LARP4B: variants seen among roughly 807,000 people sequenced by gnomAD.
The protein encoded by LARP4B is La ribonucleoprotein 4B.
A neutral mutation model predicts 89.8 loss-of-function variants in LARP4B; 12 were observed. The ratio of observed to expected loss-of-function variants is 0.13; its 90% CI spans 0.09 to 0.22. The LOEUF (loss-of-function observed/expected upper bound fraction) is 0.22. Ranked by LOEUF, LARP4B falls within the 10% of genes least tolerant of loss-of-function variation. The pLI, the probability that LARP4B is intolerant of heterozygous loss-of-function variation, is 1.00. For missense variants in LARP4B, 757 were observed against 947.7 expected (o/e 0.80, Z 2.64); for synonymous variants, 367 against 363.3 (o/e 1.01, Z -0.12).
rs1412046579 is a variant in LARP4B at position 813,661 on chromosome 10, A to G, written c.1930-448T>C. 1.3e-5 allele frequency among the ~76,000 whole-genome samples: 2 copies of G among 152,260 alleles called. 1 individual carries two copies. The highest frequency in any genetic ancestry group is 4.8e-5 in the African/African-American group (2 of 41,474). On this transcript the variant is annotated intron_variant, in intron 17 of 17. Transcript: ENST00000316157. ...CAGTCTTTAAATAAAAATGTTTTGC[A>G]CATTTCAAACTACAAAGGACTGGAA...
At chr10:964,351 C>T in the LARP4B span, among the ~76,000 whole-genome samples, 1 of 152,212 alleles carries the variant, frequency 6.6e-6, no homozygotes, top group Admixed American at 6.5e-5. Context: ...AGGCGTGGGT[C>T]ACCATGCCCA....
intron 3 of LARP4B, among the ~76,000 whole-genome samples, chr10:865,724 T>C (rs1397366582): frequency 6.6e-6 from 1 of 152,170 alleles, no homozygotes; most frequent in Non-Finnish European, 1.5e-5. Context: ...TAAAGAAAAG[T>C]CAAATGTCCA....
At chr10:855,089 A>G (rs912501516) in intron 5 of LARP4B, among the ~76,000 whole-genome samples, 3 of 152,128 alleles carry the variant, frequency 2.0e-5, no homozygotes, top group African/African-American at 4.8e-5. Context: ...AACTTAAGAG[A>G]GTTAAGGTCT....
intron 1 of LARP4B, among the ~76,000 whole-genome samples, chr10:920,930 T>G (rs1217765912): frequency 1.3e-5 from 2 of 152,200 alleles, no homozygotes; most frequent in Non-Finnish European, 2.9e-5. Flanking sequence ...CGTAAATATA[T>G]GCTTTACAAT....
chr10:971,101 A>AGTT, the LARP4B span: 68 of 152,302 alleles, frequency 4.5e-4, no homozygotes, highest in African/African-American at 1.6e-3. Context: ...TTTAGAAAAG[A>AGTT]GTTATTTGGG....
chr10:825,697 T>G, intron 12 of LARP4B, 67 bp downstream of exon 12: 3 of 1,047,290 alleles, frequency 2.9e-6, no homozygotes, highest in Non-Finnish European at 4.4e-6. Flanking sequence ...ATCAAAGCTC[T>G]CTCATCCCAA....
At chr10:888,942 G>A (rs182278328) in intron 1 of LARP4B, among the ~76,000 whole-genome samples, 201 of 152,246 alleles carry the variant, frequency 1.3e-3, no homozygotes, top group African/African-American at 4.5e-3. Context: ...AAAATTAGCC[G>A]GGTGTGGTGG....
intron 3 of LARP4B, among the ~76,000 whole-genome samples, chr10:884,141 G>A (rs1269708674): frequency 6.6e-6 from 1 of 152,134 alleles, no homozygotes; most frequent in African/African-American, 2.4e-5. Context: ...CTACTCATCC[G>A]CATATAACAG....
At chr10:936,154 C>T (rs1043262475), upstream of LARP4B, among the ~76,000 whole-genome samples, 1 of 152,076 alleles carries the variant, frequency 6.6e-6, no homozygotes, top group African/African-American at 2.4e-5. Flanking sequence ...ATTGATTAAA[C>T]AAATATTCAC....
intron 11 of LARP4B, among the ~76,000 whole-genome samples, chr10:828,155 G>A (rs1311748497): frequency 1.3e-5 from 2 of 152,198 alleles, no homozygotes; most frequent in South Asian, 4.1e-4. Context: ...CTAAGCACCT[G>A]CGCAGTTAGG....
At chr10:854,811 T>C (rs766903363) in intron 5 of LARP4B, among the ~76,000 whole-genome samples, 1 of 152,210 alleles carries the variant, frequency 6.6e-6, no homozygotes, top group Non-Finnish European at 1.5e-5. Flanking sequence ...GTTTCTAATG[T>C]TGAAACCAGG....
At chr10:842,409 G>C (rs1833567070) in intron 7 of LARP4B, among the ~76,000 whole-genome samples, 1 of 152,036 alleles carries the variant, frequency 6.6e-6, no homozygotes, top group Admixed American at 6.6e-5. Flanking sequence ...TGTTGGCCAA[G>C]ACAGTCTCAA....
intron 1 of LARP4B, among the ~76,000 whole-genome samples, chr10:922,445 G>T (rs1357938595): frequency 6.6e-6 from 1 of 152,162 alleles, no homozygotes; most frequent in Non-Finnish European, 1.5e-5. Flanking sequence ...AAGGCACAGG[G>T]GCTCACACTC....
the LARP4B span, among the ~76,000 whole-genome samples, chr10:957,026 C>G: frequency 6.6e-6 from 1 of 152,176 alleles, no homozygotes; most frequent in Non-Finnish European, 1.5e-5. Context: ...GAATGAACTC[C>G]AAATGGGAAA....
chr10:854,498 T>C (rs1318926688), intron 5 of LARP4B, among the ~76,000 whole-genome samples: 1 of 152,206 alleles, frequency 6.6e-6, no homozygotes. Flanking sequence ...TCAACATTCA[T>C]CTCCTTGTAC....
the LARP4B span, among the ~76,000 whole-genome samples, chr10:949,499 C>G: frequency 6.6e-6 from 1 of 151,884 alleles, no homozygotes; most frequent in Non-Finnish European, 1.5e-5. Context: ...TTACATCCCA[C>G]GAGCCCCAGG....
chr10:834,053 A>G (rs1480390894), intron 8 of LARP4B, among the ~76,000 whole-genome samples: 1 of 152,222 alleles, frequency 6.6e-6, no homozygotes, highest in Non-Finnish European at 1.5e-5. Context: ...GGAACGTGAG[A>G]GTGGCTATAT....
At chr10:862,470 G>A (rs937907322) in intron 5 of LARP4B, among the ~76,000 whole-genome samples, 4 of 152,112 alleles carry the variant, frequency 2.6e-5, no homozygotes, top group Admixed American at 1.3e-4. Flanking sequence ...GGGTGGGGGA[G>A]GGGACAGGGA....
the LARP4B span, among the ~76,000 whole-genome samples, chr10:962,864 G>A: frequency 3.3e-3 from 506 of 152,046 alleles, no homozygotes; most frequent in Middle Eastern, 0.01. Context: ...CAGTGAGCTC[G>A]GAAGACCACC....
Sources: allele counts gnomAD v4.1 joint callset (sites outside exome capture counted in the v4.1 genomes callset), GRCh38; gene constraint gnomAD v4.1.1; transcripts MANE v1.5; gene names NCBI Gene and HGNC (gene_info 2026-07-23, HGNC 2026-07-21).